The following TPGS2 variants were observed in gnomAD, a reference collection of about 807,000 sequenced individuals.
TPGS2 encodes tubulin polyglutamylase complex subunit 2.
TPGS2 carries 26 observed loss-of-function variants against 31.1 expected under a neutral mutation model. The observed-to-expected ratio is 0.84, with a 90% confidence interval of 0.61 to 1.16. TPGS2 has a LOEUF of 1.16. TPGS2 is among the 50% of genes most tolerant of loss of function. The probability of loss-of-function intolerance (pLI) is 0.00; values close to 1 mark genes in which losing one functional copy is unlikely to be tolerated. For synonymous variants in TPGS2, 130 were observed against 136.6 expected (o/e 0.95, Z 0.34); for missense variants, 351 against 363.8 (o/e 0.96, Z 0.29).
rs114281017 is a variant in TPGS2, at chr18:36,805,396, G to T, written c.360C>A (p.Asp120Glu). The change falls in exon 4 of 7, where the codon GAC (aspartate) becomes GAA (glutamate). Residue 120 changes from aspartate to glutamate, a missense_variant. Asp to Glu is a conservative substitution (Grantham distance 45). Coordinates refer to ENST00000334295, the MANE Select transcript of TPGS2 (RefSeq NM_015476.4). ...TACCTTCATGTGTATCGTCCTCCAG[G>T]TCTGCCAGAGTGGGTGCATTAGGAA... ...YSLPNAPTLADLEDDTHEASD... is the reference protein window; with the variant it reads ...YSLPNAPTLAELEDDTHEASD... 1.2e-6 allele frequency: 2 copies of T among 1,613,942 alleles called. No individual in the cohort carries two copies. The highest frequency in any genetic ancestry group is 1.7e-6 in the Non-Finnish European group (2 of 1,179,852).
Position 36,825,161 on chromosome 18 carries a change from G to A in TPGS2, c.85+3522C>T, listed in dbSNP as rs376068609. On this transcript the variant is annotated intron_variant, in intron 1 of 6. Transcript: ENST00000334295. Reference sequence around the variant, plus strand: ...AAAATCAATGAATCAGGCCGGGCACGGTGGCTCACACCTGTAATCCCAGCA... The same window carrying A: ...AAAATCAATGAATCAGGCCGGGCACAGTGGCTCACACCTGTAATCCCAGCA... Among the ~76,000 whole-genome samples, 10 of 152,158 alleles carry A rather than the reference G, an allele frequency of 6.6e-5. No individual in the cohort carries two copies. The South Asian group carries it at 1.5e-3, about 22-fold the overall frequency.
chr18:36,807,990 C>G, intron 2 of TPGS2, 56 bp from the exon 3 acceptor site: 5 of 1,576,028 alleles, frequency 3.2e-6, no homozygotes, highest in Non-Finnish European at 4.4e-6. Context: ...GGGTACAGGG[C>G]TATGGCTTAA....
chr18:36,813,262 T>A (rs930557764), intron 2 of TPGS2, among the ~76,000 whole-genome samples: 17 of 152,208 alleles, frequency 1.1e-4, no homozygotes, highest in African/African-American at 3.6e-4. Flanking sequence ...ATCAAGAGAG[T>A]TCTGCTTCTG....
Position 36,805,358 on chromosome 18 carries a change from C to T in TPGS2, c.382+16G>A. 1 of 1,613,186 alleles carries T rather than the reference C, an allele frequency of 6.2e-7. No homozygotes were observed. Among genetic ancestry groups the T allele is most frequent in the Non-Finnish European group, 8.5e-7 (1 of 1,179,264 alleles). ...GGATGCTGGAAACAAAGATACCAAC[C>T]TTGGTATCTTCCTACCTTCATGTGT... On this transcript the variant is annotated intron_variant, in intron 4 of 6. Coordinates refer to ENST00000334295, the MANE Select transcript of TPGS2 (RefSeq NM_015476.4).
rs2045982467 is a variant in TPGS2, at chr18:36,823,457, C to CTTGTTTTTTTTTTTT, written c.86-4499_86-4485dup. ...ATCTCTCTGACTTCCTTGTTAACAG[C>CTTGTTTTTTTTTTTT]TTGTTTTTTTTTTTTTTTTTTGAGA... On this transcript the variant is annotated intron_variant, in intron 1 of 6. Transcript: ENST00000334295. Among the ~76,000 whole-genome samples, 4 of 107,084 alleles carry CTTGTTTTTTTTTTTT rather than the reference C, an allele frequency of 3.7e-5. 1 individual carries two copies. Among genetic ancestry groups the CTTGTTTTTTTTTTTT allele is most frequent in the Non-Finnish European group, 5.4e-5 (3 of 55,050 alleles). The allele number at this position is 107,084 out of a possible 152,430, so 70.3% of individuals were successfully genotyped here. A position where few individuals can be genotyped will look rare whatever the true frequency, so the allele number is the denominator to read the frequency against.
intron 4 of TPGS2, among the ~76,000 whole-genome samples, chr18:36,802,239 G>A (rs913885566): frequency 6.6e-6 from 1 of 152,210 alleles, no homozygotes; most frequent in Non-Finnish European, 1.5e-5. Flanking sequence ...TTCCCACCAA[G>A]TTTTGGCAGC....
At chr18:36,786,937 CG>C (rs1473750322) in intron 6 of TPGS2, 3 of 1,234,396 alleles carry the variant, frequency 2.4e-6, no homozygotes, top group Non-Finnish European at 3.0e-6. Flanking sequence ...GCTACAGCTC[CG>C]GGGCTTCATG....
chr18:36,794,367 C>T lies in TPGS2; in HGVS notation c.*2438G>A, dbSNP rs2044425446. On this transcript the variant is annotated 3_prime_UTR_variant, in exon 7 of 7. Coordinates refer to ENST00000334295, the MANE Select transcript of TPGS2 (RefSeq NM_015476.4). ...TCTTGAGCCTTTCCTTATCATAACCCCCTTCCTTTGATAGCCTTTTGAGAA... is the reference window on the plus strand; with the variant it reads ...TCTTGAGCCTTTCCTTATCATAACCTCCTTCCTTTGATAGCCTTTTGAGAA... The T allele has an allele frequency of 2.0e-6, 2 of 985,504 alleles. No homozygotes were observed. The highest frequency in any genetic ancestry group is 5.2e-4 in the Middle Eastern group (1 of 1,914). 61.0% of individuals were successfully genotyped at this position (985,504 alleles called of 1,614,324 possible). A position where few individuals can be genotyped will look rare whatever the true frequency, so the allele number is the denominator to read the frequency against.
At chr18:36,797,127 A>G (rs1444053026) in intron 6 of TPGS2, 77 bp from the exon 7 acceptor site, 6 of 1,572,046 alleles carry the variant, frequency 3.8e-6, no homozygotes, top group Non-Finnish European at 5.1e-6. Context: ...TGTGGGATGC[A>G]GGAGAGTTGG....
intron 1 of TPGS2, 138 bp downstream of exon 1, chr18:36,828,545 C>G: frequency 1.1e-6 from 1 of 921,768 alleles, no homozygotes. Flanking sequence ...CCACTTTCCT[C>G]TGTAACAACG....
chr18:36,826,210 A>G (rs934554338), intron 1 of TPGS2, among the ~76,000 whole-genome samples: 2 of 151,748 alleles, frequency 1.3e-5, no homozygotes, highest in Non-Finnish European at 2.9e-5. Flanking sequence ...CTAATTTTAA[A>G]ATATTTCATA....
intron 2 of TPGS2, among the ~76,000 whole-genome samples, chr18:36,812,517 TCGG>T (rs2045475565): frequency 3.9e-5 from 6 of 152,210 alleles, no homozygotes; most frequent in Non-Finnish European, 5.9e-5. Flanking sequence ...TGGCGTGCTC[TCGG>T]ATGGCAGGGA....
chr18:36,787,590 G>C (rs1370686515), intron 6 of TPGS2, among the ~76,000 whole-genome samples: 1 of 152,172 alleles, frequency 6.6e-6, no homozygotes, highest in African/African-American at 2.4e-5. Context: ...TGGCTGCCTG[G>C]GACAGTTCTT....
At chr18:36,797,216 A>T (rs906465414) in intron 6 of TPGS2, among the ~76,000 whole-genome samples, 166 bp from the exon 7 acceptor site, 1 of 152,222 alleles carries the variant, frequency 6.6e-6, no homozygotes, top group Non-Finnish European at 1.5e-5. Context: ...AGGTGATAAC[A>T]GATCCCATCA....
chr18:36,821,770 G>A (rs749747062), intron 1 of TPGS2, among the ~76,000 whole-genome samples: 22 of 152,226 alleles, frequency 1.4e-4, no homozygotes, highest in Non-Finnish European at 2.6e-4. Flanking sequence ...ATCAGAAACT[G>A]CACACAGCTG....
chr18:36,801,872 A>G (rs2044836574), intron 4 of TPGS2, among the ~76,000 whole-genome samples: 1 of 152,122 alleles, frequency 6.6e-6, no homozygotes. Context: ...ATGATTGGTA[A>G]ACTTTTGAGC....
chr18:36,787,079 T>A (rs2044150123), intron 6 of TPGS2: 1 of 1,232,736 alleles, frequency 8.1e-7, no homozygotes, highest in Middle Eastern at 2.9e-4. Context: ...TTATAAGTTA[T>A]CTGGTGCAGA....
intron 4 of TPGS2, 79 bp downstream of exon 4, chr18:36,805,295 G>A: frequency 6.6e-7 from 1 of 1,506,196 alleles, no homozygotes; most frequent in Non-Finnish European, 9.1e-7. Flanking sequence ...CATGCACCAA[G>A]ATTCATTAAG....
chr18:36,800,643 G>A (rs914726087), intron 4 of TPGS2, among the ~76,000 whole-genome samples: 3 of 151,580 alleles, frequency 2.0e-5, no homozygotes, highest in Non-Finnish European at 4.4e-5. Flanking sequence ...TCCTGAGATT[G>A]TTTATTCTAT....
Sources: gnomAD v4.1 joint callset for allele counts (sites outside exome capture counted in the v4.1 genomes callset) on GRCh38, gnomAD v4.1.1 for gene constraint, MANE v1.5 for transcripts, NCBI Gene and HGNC (gene_info 2026-07-23, HGNC 2026-07-21) for gene names.